MGAT4B: variants seen among roughly 807,000 people sequenced by gnomAD.
The protein encoded by MGAT4B is N-acetylglucosaminyltransferase IVb.
Under a neutral mutation model 73.9 loss-of-function variants are expected in MGAT4B, and 38 were observed. The observed-to-expected ratio is 0.51, with a 90% CI of 0.40 to 0.67. The LOEUF (loss-of-function observed/expected upper bound fraction) is 0.67, where lower values mean the gene tolerates loss of function less well. MGAT4B is among the 30% of genes least tolerant of loss of function. The pLI is 0.00. For synonymous variants in MGAT4B, 373 were observed against 313.5 expected, an observed-to-expected ratio of 1.19 and a Z score of -2.01; for missense variants, 686 against 735.2, an observed-to-expected ratio of 0.93 and a Z score of 0.77.
intron 1 of MGAT4B, chr5:179,802,466 G>A (rs1756987732): frequency 1.9e-6 from 2 of 1,041,512 alleles, no homozygotes; most frequent in East Asian, 8.1e-5. Context: ...GATGGCCCCG[G>A]GGGGTGGCTG....
At position 179,801,432 on chromosome 5, in the gene MGAT4B, C is replaced by T. The variant is rs754319086; in HGVS notation, c.460G>A (p.Glu154Lys). Residue 154 changes from glutamate to lysine, a missense_variant, in exon 4 of 15, where the codon GAG becomes AAG. Physicochemically the swap from Glu to Lys is moderately conservative, Grantham distance 56. This residue lies in a region of MGAT4B where 449 missense variants were observed against 536.8 expected (regional missense o/e 0.84). Transcript: ENST00000292591. This position sits in a 1 kb window ranked among gnomAD's most constrained non-coding sequence, Gnocchi z 4.8. ...VVMGIPSVRR[E>K]VHSYLTDTLH... ...GTGTCAGTCAGGTACGAGTGCACCT[C>T]GCGCCGCACGCTCGGGATGCCCATC... The T allele has an allele frequency of 7.5e-6, 12 of 1,610,704 alleles. No individual in the cohort carries two copies. The highest frequency in any genetic ancestry group is 9.3e-6 in the Non-Finnish European group (11 of 1,178,182).
chr5:179,804,244 G>A (rs376523023), intron 1 of MGAT4B, among the ~76,000 whole-genome samples: 13 of 152,204 alleles, frequency 8.5e-5, no homozygotes, highest in East Asian at 3.9e-4. Flanking sequence ...GGCTCAGAGG[G>A]GCATAGGCAG....
At chr5:179,804,928 C>T (rs536842965) in intron 1 of MGAT4B, 1 of 152,340 alleles carries the variant, frequency 6.6e-6, no homozygotes, top group South Asian at 2.1e-4. Context: ...CCTATGTCAC[C>T]CCATACTCAT....
At position 179,801,315 on chromosome 5, in the gene MGAT4B, C is replaced by A. The variant is rs771069381; in HGVS notation, c.558+19G>T. 6.2e-7 allele frequency: 1 copy of A among 1,600,312 alleles called. No individual in the cohort carries two copies. The highest frequency in any genetic ancestry group is 2.2e-5 in the East Asian group (1 of 44,478). ...GGCTCCTCTGAATGTCCCCCAACCCCGCGTCCCGGCTCACTCGCCTCGGCG... is the reference window on the plus strand; with the variant it reads ...GGCTCCTCTGAATGTCCCCCAACCCAGCGTCCCGGCTCACTCGCCTCGGCG... On this transcript the variant is annotated intron_variant, in intron 4 of 14. Transcript: ENST00000292591. This position sits in a 1 kb window ranked among gnomAD's most constrained non-coding sequence, Gnocchi z 4.8.
chr5:179,806,507 G>T lies in MGAT4B; in HGVS notation c.77C>A (p.Ala26Glu). ...LCAFLSLSWYAALSGQKGDVV... is the reference protein window; with the variant it reads ...LCAFLSLSWYEALSGQKGDVV... ...CTCACCTTTCTGGCCGCTGAGTGCC[G>T]CGTACCAGGACAGCGAGAGGAAGGC... The change falls in exon 1 of 15, where the codon GCG becomes GAG. Residue 26 changes from alanine to glutamate, a missense_variant. By Grantham distance (107) the Ala-to-Glu change is moderately radical. Around this residue, in one of 2 missense-constraint regions of MGAT4B, gnomAD observed 237 missense variants for 198.5 expected, o/e 1.19. Transcript: ENST00000292591. This position sits in a 1 kb window ranked among gnomAD's most constrained non-coding sequence, Gnocchi z 4.6. 7.5e-7 allele frequency: 1 copy of T among 1,325,718 alleles called. No homozygotes were observed. Among genetic ancestry groups the T allele is most frequent in the Non-Finnish European group, 9.9e-7 (1 of 1,012,436 alleles). The allele number at this position is 1,325,718 out of a possible 1,614,324, so 82.1% of individuals were successfully genotyped here. A position where few individuals can be genotyped will look rare whatever the true frequency, so the allele number is the denominator to read the frequency against.
At position 179,799,305 on chromosome 5, in the gene MGAT4B, G is replaced by A. The variant is rs772815283; in HGVS notation, c.1047C>T (p.His349=). ...GCAGGTTGGCTTTCTGCCGGTCACA[G>A]TGCTTCTGTGGAGGGTGGGCAACAC... ...KVCNPEKDAK[H]CDRQKANLRI... is the part of the protein sequence containing the mutation. Residue 349 remains histidine (H), a synonymous_variant, in exon 10 of 15, where the codon CAC becomes CAT. Coordinates refer to ENST00000292591, the MANE Select transcript of MGAT4B (RefSeq NM_014275.5). 10 of 1,613,654 alleles carry A rather than the reference G, an allele frequency of 6.2e-6. No individual in the cohort carries two copies. Among genetic ancestry groups the A allele is most frequent in the Non-Finnish European group, 8.5e-6 (10 of 1,179,942 alleles).
chr5:179,799,518 G>T lies in MGAT4B; in HGVS notation c.1029C>A (p.Pro343=). The T allele has an allele frequency of 6.2e-7, 1 of 1,613,876 alleles. No homozygotes were observed. The highest frequency in any genetic ancestry group is 8.5e-7 in the Non-Finnish European group (1 of 1,180,010). The stretch of plus-strand genomic sequence containing the variant: ...AGCTCTTGCTCACCGCATCCTTCTC[G>T]GGGTTGCAGACTTTCACCCACAGAA... ...DHILWVKVCN[P]EKDAKHCDRQ... The change falls in exon 9 of 15, where the codon CCC becomes CCA. Residue 343 remains proline, a synonymous_variant. Transcript: ENST00000292591.
rs751146715 is a variant in MGAT4B, at chr5:179,799,934, A to G, written c.910+20T>C. 6.3e-7 allele frequency: 1 copy of G among 1,590,996 alleles called. No homozygotes were observed. The highest frequency in any genetic ancestry group is 2.2e-5 in the East Asian group (1 of 44,744). ...GCAGGTGGGACTGAAAGGCACCGTC[A>G]GGTAAGGGGAGGGGCACACCAATGA... On this transcript the variant is annotated intron_variant, in intron 8 of 14. Coordinates refer to ENST00000292591, the MANE Select transcript of MGAT4B (RefSeq NM_014275.5).
intron 1 of MGAT4B, chr5:179,802,659 C>A (rs1411577336): frequency 1.0e-6 from 1 of 986,330 alleles, no homozygotes; most frequent in Admixed American, 6.1e-5. Flanking sequence ...CGCATGCCAC[C>A]CCAGGGGGCC....
Position 179,801,597 on chromosome 5 carries a change from G to A in MGAT4B, c.381C>T (p.Ser127=), listed in dbSNP as rs752504895. ...CCACGCGCACCGCGGGCTGCAGACT[G>A]CTCTCCTTGGCCAGCAGGTGTGGCA... ...HHLPHLLAKE[S]SLQPAVRVGQ... The change falls in exon 3 of 15, where the codon AGC becomes AGT. Residue 127 remains serine (S), a synonymous_variant. Transcript: ENST00000292591. The surrounding 1 kb of genome is among the most constrained non-coding windows in gnomAD (Gnocchi z 4.8). 2.5e-6 allele frequency: 4 copies of A among 1,607,520 alleles called. No individual in the cohort carries two copies. Among genetic ancestry groups the A allele is most frequent in the South Asian group, 1.1e-5 (1 of 90,072 alleles).
intron 1 of MGAT4B, 41 bp from the exon 2 acceptor site, chr5:179,802,010 A>C: frequency 6.2e-7 from 1 of 1,613,310 alleles, no homozygotes. Flanking sequence ...GGCGGTCTAG[A>C]GCCACCCTAC....
At chr5:179,802,244 C>T (rs1756979222) in intron 1 of MGAT4B, 1 of 1,426,788 alleles carries the variant, frequency 7.0e-7, no homozygotes, top group Non-Finnish European at 9.1e-7. Context: ...AGTGGAAATA[C>T]GATTTCCAGA....
rs1311449445 is a variant in MGAT4B at position 179,806,526 on chromosome 5, G to A, written c.58C>T (p.Leu20Phe). The change falls in exon 1 of 15, where the codon CTC becomes TTC. Residue 20 changes from leucine to phenylalanine, a missense_variant. Physicochemically the swap from Leu to Phe is conservative, Grantham distance 22 (BLOSUM62 0). Around this residue, in one of 2 missense-constraint regions of MGAT4B, gnomAD observed 237 missense variants for 198.5 expected, o/e 1.19. Transcript: ENST00000292591. This position sits in a 1 kb window ranked among gnomAD's most constrained non-coding sequence, Gnocchi z 4.6. ...AGTGCCGCGTACCAGGACAGCGAGA[G>A]GAAGGCGCACAGGCAGAAGAGCAGC... ...TLLLFCLCAF[L>F]SLSWYAALSG... 12 of 1,339,912 alleles carry A rather than the reference G, an allele frequency of 9.0e-6. No individual in the cohort carries two copies. Among genetic ancestry groups the A allele is most frequent in the African/African-American group, 1.6e-5 (1 of 64,380 alleles). 83.0% of individuals were successfully genotyped at this position (1,339,912 alleles called of 1,614,324 possible).
chr5:179,799,330 C>T lies in MGAT4B; in HGVS notation c.1042-20G>A, dbSNP rs1466008503. ...GTGCTTCTGTGGAGGGTGGGCAACA[C>T]CCCAGGGCTCGGCTTAGCCCTCCTT... On this transcript the variant is annotated intron_variant, in intron 9 of 14. Transcript: ENST00000292591. 1.2e-6 allele frequency: 2 copies of T among 1,611,872 alleles called. No individual in the cohort carries two copies. Among genetic ancestry groups the T allele is most frequent in the Non-Finnish European group, 1.7e-6 (2 of 1,179,046 alleles).
chr5:179,802,890 A>T, intron 1 of MGAT4B: 2 of 985,378 alleles, frequency 2.0e-6, no homozygotes, highest in Non-Finnish European at 2.4e-6. Context: ...TGTGGCCTAC[A>T]AGGCCTTCTG....
At position 179,801,718 on chromosome 5, in the gene MGAT4B, G is replaced by A; in HGVS notation, c.284-24C>T. 1 of 1,601,114 alleles carries A rather than the reference G, an allele frequency of 6.2e-7. No individual in the cohort carries two copies. The highest frequency in any genetic ancestry group is 8.5e-7 in the Non-Finnish European group (1 of 1,174,196). ...CTCTGGGTGGGTCGGGAAGGATCGG[G>A]ACTGAGACCAGGGAACCTACAACCA... On this transcript the variant is annotated intron_variant, in intron 2 of 14. Transcript: ENST00000292591. The surrounding 1 kb of genome is among the most constrained non-coding windows in gnomAD (Gnocchi z 4.8).
Position 179,806,463 on chromosome 5 carries a change from G to T in MGAT4B, c.97+24C>A. The T allele has an allele frequency of 8.0e-7, 1 of 1,245,144 alleles. No homozygotes were observed. Among genetic ancestry groups the T allele is most frequent in the Non-Finnish European group, 1.0e-6 (1 of 967,642 alleles). The allele number at this position is 1,245,144 out of a possible 1,614,324, so 77.1% of individuals were successfully genotyped here. A position where few individuals can be genotyped will look rare whatever the true frequency, so the allele number is the denominator to read the frequency against. ...GCCGACGCCCAGGTGCGCCAGGTGC[G>T]GGCCGGGCGGGGGTCGCGCTCACCT... On this transcript the variant is annotated intron_variant, in intron 1 of 14. Transcript: ENST00000292591. This position sits in a 1 kb window ranked among gnomAD's most constrained non-coding sequence, Gnocchi z 4.6.
Position 179,800,567 on chromosome 5 carries a change from C to T in MGAT4B, c.636G>A (p.Leu212=), listed in dbSNP as rs1408072755. The T allele has an allele frequency of 6.2e-7, 1 of 1,611,778 alleles. No individual in the cohort carries two copies. The highest frequency in any genetic ancestry group is 1.7e-5 in the Admixed American group (1 of 59,888). ...AGTGGGGGGAGGGTGAGATGACCTC[C>T]AGGAGCCCAGAATGGATCTCCGTGG... is the stretch of plus-strand genomic sequence containing the variant. ...LFPTEIHSGL[L]EVISPSPHFY... Residue 212 remains leucine, a synonymous_variant, in exon 6 of 15, where the codon CTG becomes CTA. Coordinates refer to ENST00000292591, the MANE Select transcript of MGAT4B (RefSeq NM_014275.5).
At chr5:179,799,401 T>C in intron 9 of MGAT4B, 91 bp from the exon 10 acceptor site, 1 of 1,605,928 alleles carries the variant, frequency 6.2e-7, no homozygotes, top group Non-Finnish European at 8.5e-7. Context: ...CTCCCACAGC[T>C]GACAGTGCTC....
Sources: allele counts gnomAD v4.1 joint callset (sites outside exome capture counted in the v4.1 genomes callset), GRCh38; gene constraint gnomAD v4.1.1; regional missense constraint gnomAD v4.1.1; non-coding constraint Gnocchi (gnomAD v3.1); transcripts MANE v1.5; gene names NCBI Gene and HGNC (gene_info 2026-07-23, HGNC 2026-07-21).